The following KAT2B variants were observed in gnomAD, a reference collection of about 807,000 sequenced individuals.
KAT2B encodes the protein lysine acetyltransferase 2B.
In KAT2B, 36 loss-of-function variants were observed where a neutral mutation model predicts 105.9. That is an observed-to-expected ratio of 0.34 (90% CI 0.26 to 0.45). The LOEUF (loss-of-function observed/expected upper bound fraction) is 0.45, where lower values mean the gene tolerates loss of function less well. KAT2B is among the 20% of genes least tolerant of loss of function. KAT2B has a pLI of 1.00. For synonymous variants in KAT2B, 397 were observed against 377.9 expected (o/e 1.05, Z -0.59); for missense variants, 820 against 1,021.6 (o/e 0.80, Z 2.69).
chr3:20,119,175 A>G (rs541465136), intron 7 of KAT2B, among the ~76,000 whole-genome samples: 204 of 152,078 alleles, frequency 1.3e-3, no homozygotes, highest in Non-Finnish European at 2.3e-3. Flanking sequence ...ATATTTTGAG[A>G]CTGTATAAAT....
intron 17 of KAT2B, among the ~76,000 whole-genome samples, chr3:20,150,546 G>A (rs1393645733): frequency 6.6e-6 from 1 of 152,056 alleles, no homozygotes; most frequent in Non-Finnish European, 1.5e-5. Flanking sequence ...CAAGTTAAGG[G>A]GAAAGGACAT....
At chr3:20,073,957 C>A (rs554166005) in intron 2 of KAT2B, among the ~76,000 whole-genome samples, 2 of 152,162 alleles carry the variant, frequency 1.3e-5, no homozygotes, top group African/African-American at 2.4e-5. Context: ...ATTCTAAGCA[C>A]GTAAACACAC....
chr3:20,125,145 ACC>A (rs1173041388), intron 9 of KAT2B, among the ~76,000 whole-genome samples: 1 of 152,158 alleles, frequency 6.6e-6, no homozygotes, highest in Middle Eastern at 3.4e-3. Flanking sequence ...ACACGGTGAA[ACC>A]CCGTCTCTAC....
chr3:20,105,829 A>T (rs979203271), intron 5 of KAT2B, among the ~76,000 whole-genome samples: 13 of 151,648 alleles, frequency 8.6e-5, no homozygotes, highest in African/African-American at 2.9e-4. Flanking sequence ...GAAGAAGAAG[A>T]AGAAAAAGAA....
Position 20,137,044 on chromosome 3 carries a change from A to C in KAT2B, c.1852A>C (p.Lys618Gln), listed in dbSNP as rs1699614321. 1 of 1,555,942 alleles carries C rather than the reference A, an allele frequency of 6.4e-7. No individual in the cohort carries two copies. The highest frequency in any genetic ancestry group is 8.9e-7 in the Non-Finnish European group (1 of 1,127,228). The change falls in exon 12 of 18, where the codon AAG becomes CAG. Residue 618 changes from lysine (K) to glutamine (Q), a missense_variant. Physicochemically the swap from Lys to Gln is moderately conservative, Grantham distance 53. Coordinates refer to ENST00000263754, the MANE Select transcript of KAT2B (RefSeq NM_003884.5). ...YADEYAIGYF[K>Q]KQGFSKEIKI... ...AGATGAATATGCAATTGGATACTTTAAGAAACAGGTTGGTTTCTCACCACG... is the reference window on the plus strand; with the variant it reads ...AGATGAATATGCAATTGGATACTTTCAGAAACAGGTTGGTTTCTCACCACG...
intron 17 of KAT2B, among the ~76,000 whole-genome samples, chr3:20,151,051 C>G (rs1439026235): frequency 6.6e-6 from 1 of 152,118 alleles, no homozygotes; most frequent in Non-Finnish European, 1.5e-5. Flanking sequence ...ACATTTTGAT[C>G]TGTTCAGTCA....
intron 12 of KAT2B, among the ~76,000 whole-genome samples, chr3:20,138,733 A>T (rs1699646511): frequency 6.6e-6 from 1 of 152,112 alleles, no homozygotes; most frequent in South Asian, 2.1e-4. Flanking sequence ...TTTTCTATAA[A>T]AATGTTTAGT....
intron 2 of KAT2B, among the ~76,000 whole-genome samples, chr3:20,087,538 C>G (rs529964499): frequency 3.3e-5 from 5 of 152,028 alleles, no homozygotes; most frequent in African/African-American, 4.8e-5. Context: ...ATTCTGTTAG[C>G]AATTTTCAAT....
At chr3:20,040,838 C>T in intron 1 of KAT2B, 58 bp downstream of exon 1, 1 of 1,477,938 alleles carries the variant, frequency 6.8e-7, no homozygotes, top group Non-Finnish European at 8.9e-7. Flanking sequence ...CCCGCGGGAC[C>T]CCCCTCCCCC....
At chr3:20,128,826 G>T (rs1699456082) in intron 11 of KAT2B, among the ~76,000 whole-genome samples, 2 of 151,912 alleles carry the variant, frequency 1.3e-5, no homozygotes, top group African/African-American at 4.8e-5. Flanking sequence ...TGACCAATGT[G>T]GTAAAACCCT....
intron 17 of KAT2B, among the ~76,000 whole-genome samples, chr3:20,150,717 G>T (rs1042700831): frequency 6.6e-6 from 1 of 152,140 alleles, no homozygotes; most frequent in Non-Finnish European, 1.5e-5. Flanking sequence ...ATTCAGAATT[G>T]GTTATAGTTA....
intron 17 of KAT2B, among the ~76,000 whole-genome samples, chr3:20,150,539 GT>G (rs1699853760): frequency 6.6e-6 from 1 of 152,120 alleles, no homozygotes; most frequent in African/African-American, 2.4e-5. Context: ...GAATTCCCAA[GT>G]TAAGGGGAAA....
intron 2 of KAT2B, among the ~76,000 whole-genome samples, chr3:20,094,329 C>T (rs770461699): frequency 6.6e-6 from 1 of 152,128 alleles, no homozygotes; most frequent in Non-Finnish European, 1.5e-5. Context: ...AACTCACTAT[C>T]ATGAGAACAG....
At chr3:20,086,172 T>G (rs1698611255) in intron 2 of KAT2B, among the ~76,000 whole-genome samples, 1 of 152,052 alleles carries the variant, frequency 6.6e-6, no homozygotes, top group South Asian at 2.1e-4. Flanking sequence ...TTTGGGAGAC[T>G]GAGGTGGGAG....
intron 11 of KAT2B, among the ~76,000 whole-genome samples, chr3:20,134,006 GT>G (rs1241139967): frequency 6.6e-6 from 1 of 151,648 alleles, no homozygotes; most frequent in Non-Finnish European, 1.5e-5. Flanking sequence ...TTAAATCTTT[GT>G]AATATATGTT....
chr3:20,072,221 CA>C lies in KAT2B; in HGVS notation c.304-111del, dbSNP rs1375451142. On this transcript the variant is annotated intron_variant, in intron 1 of 17. Transcript: ENST00000263754. ...TTGTGTATATGGCAGACGACAAAGT[CA>C]GGGGTGAGGGGATAGCTGTCATATA... is the stretch of plus-strand genomic sequence containing the variant. 1.3e-5 allele frequency: 15 copies of C among 1,119,502 alleles called. No individual in the cohort carries two copies. In the East Asian group the frequency reaches 2.4e-4, roughly 18 times the overall value. The allele number at this position is 1,119,502 out of a possible 1,614,324, so 69.3% of individuals were successfully genotyped here. A position where few individuals can be genotyped will look rare whatever the true frequency, so the allele number is the denominator to read the frequency against.
At chr3:20,135,511 A>C (rs1699585439) in intron 11 of KAT2B, among the ~76,000 whole-genome samples, 1 of 152,020 alleles carries the variant, frequency 6.6e-6, no homozygotes, top group Non-Finnish European at 1.5e-5. Context: ...AAAATTAGCC[A>C]GGTGTGGTGG....
chr3:20,051,411 A>G lies in KAT2B; in HGVS notation c.303+10631A>G, dbSNP rs935216793. 2.0e-5 allele frequency among the ~76,000 whole-genome samples: 3 copies of G among 152,142 alleles called. No individual in the cohort carries two copies. The East Asian group carries it at 5.8e-4, about 29-fold the overall frequency. ...GGTGAGTCCTTACTGGTAAATATTC[A>G]TGTGAAATCCTGTTGCCACTTGTCC... On this transcript the variant is annotated intron_variant, in intron 1 of 17. Transcript: ENST00000263754.
At chr3:20,076,632 T>G (rs1309440258) in intron 2 of KAT2B, among the ~76,000 whole-genome samples, 3 of 152,212 alleles carry the variant, frequency 2.0e-5, no homozygotes, top group African/African-American at 4.8e-5. Flanking sequence ...CTCTAATGAT[T>G]ATTTACATTT....
Sources: allele counts gnomAD v4.1 joint callset (sites outside exome capture counted in the v4.1 genomes callset), GRCh38; gene constraint gnomAD v4.1.1; transcripts MANE v1.5; gene names NCBI Gene and HGNC (gene_info 2026-07-23, HGNC 2026-07-21).